ANO10: variants seen among roughly 807,000 people sequenced by gnomAD.
ANO10 encodes the protein anoctamin-10.
In ANO10, 77 loss-of-function variants were observed where a neutral mutation model predicts 74.7. The observed-to-expected ratio is 1.03, with a 90% CI of 0.86 to 1.25. The LOEUF is 1.25. Among genes scored for constraint, ANO10 ranks in the 50% most tolerant of loss-of-function variants. The pLI, the probability that ANO10 is intolerant of heterozygous loss-of-function variation, is 0.00. For missense variants in ANO10, 721 were observed against 778.1 expected (o/e 0.93, Z 0.87); for synonymous variants, 279 against 284.9 (o/e 0.98, Z 0.21).
At chr3:43,558,005 T>C (rs1039128342) in intron 9 of ANO10, among the ~76,000 whole-genome samples, 1 of 149,842 alleles carries the variant, frequency 6.7e-6, no homozygotes, top group Non-Finnish European at 1.5e-5. Flanking sequence ...CTCAGGAGGC[T>C]GAGGTAGAAG....
chr3:43,389,942 G>A (rs1190520481), intron 12 of ANO10, among the ~76,000 whole-genome samples: 1 of 152,160 alleles, frequency 6.6e-6, no homozygotes, highest in Non-Finnish European at 1.5e-5. Flanking sequence ...AGCGGGTTGA[G>A]TCAGAGCCTA....
At chr3:43,622,834 C>T (rs1006279315), upstream of ANO10, among the ~76,000 whole-genome samples, 3 of 152,136 alleles carry the variant, frequency 2.0e-5, 1 homozygote, top group Admixed American at 1.3e-4. Flanking sequence ...TACCTGCTCT[C>T]CTATTTCTTC....
intron 11 of ANO10, among the ~76,000 whole-genome samples, chr3:43,437,185 C>T (rs1177520815): frequency 6.6e-6 from 1 of 152,144 alleles, no homozygotes; most frequent in Admixed American, 6.5e-5. Context: ...CCAAAGGTCC[C>T]CTGAAATGAC....
intron 11 of ANO10, among the ~76,000 whole-genome samples, chr3:43,520,411 T>C (rs2077898771): frequency 6.6e-6 from 1 of 152,164 alleles, no homozygotes; most frequent in Non-Finnish European, 1.5e-5. Context: ...TGATTAGGTT[T>C]CAACATATGA....
intron 11 of ANO10, among the ~76,000 whole-genome samples, chr3:43,542,519 A>C (rs1235181469): frequency 6.6e-6 from 1 of 152,244 alleles, no homozygotes; most frequent in African/African-American, 2.4e-5. Context: ...AGAGGAACTC[A>C]TTAACAACAG....
rs2076828143 is a variant in ANO10, at chr3:43,494,101, G to A, written c.1797+55619C>T. On this transcript the variant is annotated intron_variant, in intron 11 of 12. Coordinates refer to ENST00000292246, the MANE Select transcript of ANO10 (RefSeq NM_018075.5). Reference sequence around the variant, plus strand: ...CTATTCAAGTAAAGACTAAGACAGAGATGTTTTCAATATTGTTTTTGAGGC... The same window carrying A: ...CTATTCAAGTAAAGACTAAGACAGAAATGTTTTCAATATTGTTTTTGAGGC... Among the ~76,000 whole-genome samples the A allele has an allele frequency of 2.0e-5, 3 of 152,186 alleles. No homozygotes were observed. In the South Asian group the frequency reaches 6.2e-4, roughly 32 times the overall value.
chr3:43,451,728 T>G (rs1575858342), intron 11 of ANO10, among the ~76,000 whole-genome samples: 1 of 152,192 alleles, frequency 6.6e-6, no homozygotes, highest in Admixed American at 6.5e-5. Context: ...TAGATAAGAC[T>G]ATAAAGTAAT....
At chr3:43,372,538 G>A (rs1240542415) in intron 12 of ANO10, among the ~76,000 whole-genome samples, 1 of 152,154 alleles carries the variant, frequency 6.6e-6, no homozygotes, top group Non-Finnish European at 1.5e-5. Flanking sequence ...AGGCTTGCCT[G>A]CCCTGCCTGA....
At chr3:43,687,378 A>G (rs930854952) in intron 1 of ANO10, among the ~76,000 whole-genome samples, 2 of 152,168 alleles carry the variant, frequency 1.3e-5, no homozygotes, top group African/African-American at 4.8e-5. Context: ...CAGGCTTGTG[A>G]TAAAGGCCCA....
chr3:43,643,682 TC>T (rs1198345555), intron 1 of ANO10, among the ~76,000 whole-genome samples: 12,079 of 141,558 alleles, frequency 0.085, 965 homozygotes, highest in South Asian at 0.15. Flanking sequence ...CCTCATCTTT[TC>T]TTTTTTTTTT....
At chr3:43,634,601 G>T (rs1171056520) in intron 1 of ANO10, among the ~76,000 whole-genome samples, 1 of 152,114 alleles carries the variant, frequency 6.6e-6, no homozygotes, top group Non-Finnish European at 1.5e-5. Context: ...ATTAAGGCAG[G>T]TGCAAAATCT....
At chr3:43,502,814 G>T (rs925471290) in intron 11 of ANO10, among the ~76,000 whole-genome samples, 12 of 152,154 alleles carry the variant, frequency 7.9e-5, no homozygotes, top group African/African-American at 2.9e-4. Context: ...GACATTATGG[G>T]AAATAGGCCA....
intron 4 of ANO10, among the ~76,000 whole-genome samples, chr3:43,598,161 G>C (rs2082176098): frequency 1.3e-5 from 2 of 152,180 alleles, no homozygotes; most frequent in Non-Finnish European, 2.9e-5. Flanking sequence ...AGTGAGATCA[G>C]AGGAAATGGA....
chr3:43,680,122 A>T lies in ANO10; in HGVS notation c.-12+11395T>A, dbSNP rs150547005. On this transcript the variant is annotated intron_variant, in intron 1 of 3. Coordinates refer to the ANO10 transcript ENST00000413397. ...ACGAGTTGAGAGAAGAAGACTTCAGATGATCAAACTACTCCGAGCTAAAGG... is the reference window on the plus strand; with the variant it reads ...ACGAGTTGAGAGAAGAAGACTTCAGTTGATCAAACTACTCCGAGCTAAAGG... Among the ~76,000 whole-genome samples, 231 of 152,342 alleles carry T rather than the reference A, an allele frequency of 1.5e-3. 7 individuals carry two copies. In the East Asian group the frequency reaches 0.037, roughly 25 times the overall value.
chr3:43,633,017 C>A (rs1480123215), intron 1 of ANO10, among the ~76,000 whole-genome samples: 3 of 152,064 alleles, frequency 2.0e-5, no homozygotes, highest in African/African-American at 7.2e-5. Flanking sequence ...GTTTAAAATG[C>A]CTCAACATAT....
At chr3:43,542,627 T>C (rs2079006761) in intron 11 of ANO10, among the ~76,000 whole-genome samples, 1 of 152,224 alleles carries the variant, frequency 6.6e-6, no homozygotes, top group South Asian at 2.1e-4. Context: ...CCATTTTATA[T>C]CCAAGGAAAC....
intron 4 of ANO10, among the ~76,000 whole-genome samples, chr3:43,591,159 G>A (rs954118255): frequency 6.6e-6 from 1 of 152,142 alleles, no homozygotes; most frequent in Non-Finnish European, 1.5e-5. Flanking sequence ...GTCCGTGTTT[G>A]CTCCGGCTCA....
At chr3:43,591,999 G>A (rs1188813193) in intron 4 of ANO10, among the ~76,000 whole-genome samples, 1 of 152,238 alleles carries the variant, frequency 6.6e-6, no homozygotes, top group Non-Finnish European at 1.5e-5. Context: ...CTTGCTCACT[G>A]CTAGCACAGC....
chr3:43,666,465 T>TA (rs1347375629), intron 1 of ANO10, among the ~76,000 whole-genome samples: 1 of 152,186 alleles, frequency 6.6e-6, no homozygotes, highest in African/African-American at 2.4e-5. Context: ...GCCAGTATTC[T>TA]ATACATTTTC....
Sources: allele counts gnomAD v4.1 joint callset (sites outside exome capture counted in the v4.1 genomes callset), GRCh38; gene constraint gnomAD v4.1.1; transcripts MANE v1.5; gene names NCBI Gene and HGNC (gene_info 2026-07-23, HGNC 2026-07-21).